NEK1: variants seen among roughly 807,000 people sequenced by gnomAD.
The protein encoded by NEK1 is serine/threonine-protein kinase Nek1.
A neutral mutation model predicts 182.1 loss-of-function variants in NEK1; 137 were observed. That is an observed-to-expected ratio of 0.75 (90% CI 0.65 to 0.87). The LOEUF is 0.87. NEK1 is among the 40% of genes least tolerant of loss of function. The pLI, the probability that NEK1 is intolerant of heterozygous loss-of-function variation, is 0.00. For missense variants in NEK1, 1,391 were observed against 1,494.4 expected (o/e 0.93, Z 1.14); for synonymous variants, 513 against 492.2 (o/e 1.04, Z -0.56).
At chr4:169,587,523 C>A in intron 9 of NEK1, 36 bp downstream of exon 9, 1 of 1,177,166 alleles carries the variant, frequency 8.5e-7, no homozygotes, top group Non-Finnish European at 1.2e-6. Context: ...CGCTTTTTAA[C>A]ATAACTTTGA....
intron 31 of NEK1, among the ~76,000 whole-genome samples, chr4:169,409,246 G>A (rs1733205397): frequency 6.6e-6 from 1 of 151,950 alleles, no homozygotes; most frequent in Admixed American, 6.5e-5. Context: ...CCGGGTTCAC[G>A]CCATTCTCTT....
chr4:169,472,207 C>T (rs536683560), intron 26 of NEK1, among the ~76,000 whole-genome samples: 60 of 152,212 alleles, frequency 3.9e-4, no homozygotes, highest in African/African-American at 1.3e-3. Context: ...GCAGCCAGCT[C>T]GGTGTCTCCC....
In NEK1 at chr4:169,593,714, C is replaced by T. The variant is rs191127162; in HGVS notation, c.313-2905G>A. On this transcript the variant is annotated intron_variant, in intron 5 of 35. Coordinates refer to ENST00000507142, the MANE Select transcript of NEK1 (RefSeq NM_001199397.3). ...CTTTAAAATTGTAACCCTGGTCAGG[C>T]GCCGTGGCTCACGCCTGTAATCCCA... 8.9e-4 allele frequency among the ~76,000 whole-genome samples: 135 copies of T among 152,212 alleles called. 3 individuals carry two copies. The highest frequency in any genetic ancestry group is 6.8e-4 in the Non-Finnish European group (46 of 68,000).
intron 27 of NEK1, among the ~76,000 whole-genome samples, chr4:169,441,247 T>C (rs1272147422): frequency 6.6e-6 from 1 of 152,234 alleles, no homozygotes; most frequent in Non-Finnish European, 1.5e-5. Flanking sequence ...TGGGTGAATG[T>C]GCACTTGTGT....
intron 2 of NEK1, among the ~76,000 whole-genome samples, chr4:169,606,942 A>G (rs1049464619): frequency 7.9e-5 from 12 of 152,244 alleles, no homozygotes; most frequent in African/African-American, 2.9e-4. Flanking sequence ...ACTGTGCTAC[A>G]GTACAATGGA....
chr4:169,545,695 C>A (rs1760308063), intron 18 of NEK1, among the ~76,000 whole-genome samples: 2 of 151,260 alleles, frequency 1.3e-5, no homozygotes, highest in Admixed American at 1.3e-4. Context: ...TATTTCTCCA[C>A]ATCCTCTCCA....
intron 35 of NEK1, among the ~76,000 whole-genome samples, chr4:169,398,900 G>A (rs1333072468): frequency 2.0e-5 from 3 of 151,926 alleles, no homozygotes; most frequent in Non-Finnish European, 4.4e-5. Flanking sequence ...TTAATGTTTG[G>A]GCAAATAATC....
intron 31 of NEK1, among the ~76,000 whole-genome samples, chr4:169,423,713 TA>T (rs1245244268): frequency 6.6e-6 from 1 of 152,106 alleles, no homozygotes; most frequent in Non-Finnish European, 1.5e-5. Flanking sequence ...TTTAGGGAAA[TA>T]ATTGTAGATA....
At chr4:169,539,972 T>C (rs1759146018) in intron 18 of NEK1, among the ~76,000 whole-genome samples, 1 of 152,174 alleles carries the variant, frequency 6.6e-6, no homozygotes, top group Non-Finnish European at 1.5e-5. Flanking sequence ...ACTAAGAACC[T>C]GGTCATCTGT....
intron 19 of NEK1, among the ~76,000 whole-genome samples, chr4:169,511,955 C>A (rs764143994): frequency 1.2e-4 from 19 of 152,104 alleles, no homozygotes; most frequent in Admixed American, 3.3e-4. Context: ...CTTTTCATTG[C>A]AAAGCAGTAT....
chr4:169,577,872 A>C (rs1342990807), intron 11 of NEK1, among the ~76,000 whole-genome samples: 1 of 152,060 alleles, frequency 6.6e-6, no homozygotes, highest in Non-Finnish European at 1.5e-5. Context: ...CAATATAAGC[A>C]ACTTTTTTCC....
chr4:169,440,668 G>C (rs904928943), intron 27 of NEK1, among the ~76,000 whole-genome samples: 2 of 152,212 alleles, frequency 1.3e-5, no homozygotes, highest in Non-Finnish European at 2.9e-5. Context: ...GGACTGGCTA[G>C]AAGCCAGGAG....
intron 31 of NEK1, among the ~76,000 whole-genome samples, chr4:169,421,141 G>C (rs1371361589): frequency 6.6e-6 from 1 of 152,142 alleles, no homozygotes; most frequent in Admixed American, 6.6e-5. Flanking sequence ...CAAAGGGGTT[G>C]ATTCATTAAG....
At chr4:169,523,488 C>A (rs1404744082) in intron 19 of NEK1, among the ~76,000 whole-genome samples, 5 of 152,128 alleles carry the variant, frequency 3.3e-5, no homozygotes, top group East Asian at 1.9e-4. Context: ...CAAGGAAGGT[C>A]AAAAATTGCC....
At chr4:169,604,903 T>C (rs1399570723) in intron 2 of NEK1, among the ~76,000 whole-genome samples, 1 of 152,062 alleles carries the variant, frequency 6.6e-6, no homozygotes. Context: ...AGAAGAAAAG[T>C]TGTTCCAAAT....
chr4:169,561,888 C>T lies in NEK1; in HGVS notation c.1084G>A (p.Ala362Thr), dbSNP rs767991173. The T allele has an allele frequency of 1.3e-6, 2 of 1,598,820 alleles. No homozygotes were observed. Among genetic ancestry groups the T allele is most frequent in the Admixed American group, 3.4e-5 (2 of 58,004 alleles). Residue 362 changes from alanine (A) to threonine (T), a missense_variant, in exon 14 of 36, where the codon GCA becomes ACA. Physicochemically the swap from Ala to Thr is moderately conservative, Grantham distance 58. Around this residue, in one of 5 missense-constraint regions of NEK1, gnomAD observed 1,216 missense variants for 1,277.6 expected, o/e 0.95. Coordinates refer to ENST00000507142, the MANE Select transcript of NEK1 (RefSeq NM_001199397.3). ...GEERRKISEE[A>T]ARKRRLEFIE... Reference sequence around the variant, plus strand: ...AATTCCAGCCTTCTCTTTCTTGCTGCTTCCTTAAATAAAAAAAAGAACATT... The same window carrying T: ...AATTCCAGCCTTCTCTTTCTTGCTGTTTCCTTAAATAAAAAAAAGAACATT...
intron 13 of NEK1, 108 bp downstream of exon 13, chr4:169,562,023 GGTATTC>G (rs1763001041): frequency 9.2e-7 from 1 of 1,087,856 alleles, no homozygotes. Context: ...AGAAGTTATA[GGTATTC>G]GTTTGAAAGA....
intron 23 of NEK1, among the ~76,000 whole-genome samples, chr4:169,502,406 C>A (rs2149673263): frequency 6.6e-6 from 1 of 152,050 alleles, no homozygotes; most frequent in South Asian, 2.1e-4. Flanking sequence ...ATCATGATAT[C>A]AAAATATGGC....
chr4:169,505,305 A>T (rs1753063058), intron 23 of NEK1, among the ~76,000 whole-genome samples: 1 of 152,038 alleles, frequency 6.6e-6, no homozygotes, highest in African/African-American at 2.4e-5. Context: ...CACCCGAGAC[A>T]GCAAGACCAA....
Sources: gnomAD v4.1 joint callset for allele counts (sites outside exome capture counted in the v4.1 genomes callset) on GRCh38, gnomAD v4.1.1 for gene constraint, gnomAD v4.1.1 regional missense constraint, MANE v1.5 for transcripts, NCBI Gene and HGNC (gene_info 2026-07-23, HGNC 2026-07-21) for gene names.